The following SPRED2 variants were observed in gnomAD, a reference collection of about 807,000 sequenced individuals.
SPRED2 encodes sprouty-related, EVH1 domain-containing protein 2.
Under a neutral mutation model 43.0 loss-of-function variants are expected in SPRED2, and 47 were observed. The ratio of observed to expected loss-of-function variants is 1.09; its 90% confidence interval spans 0.87 to 1.40. The LOEUF is 1.40. Among genes scored for constraint, SPRED2 ranks in the 40% most tolerant of loss-of-function variants. The pLI is 0.00. For missense variants in SPRED2, 561 were observed against 586.4 expected, an observed-to-expected ratio of 0.96 and a Z score of 0.45; for synonymous variants, 225 against 225.7, an observed-to-expected ratio of 1.00 and a Z score of 0.03.
intron 1 of SPRED2, among the ~76,000 whole-genome samples, chr2:65,402,555 A>C (rs1675930391): frequency 6.6e-6 from 1 of 152,228 alleles, no homozygotes; most frequent in African/African-American, 2.4e-5. Context: ...ATGTGAAGTC[A>C]TAGGACTAGA....
At chr2:65,428,723 T>A (rs1295724742) in intron 1 of SPRED2, among the ~76,000 whole-genome samples, 1 of 152,180 alleles carries the variant, frequency 6.6e-6, no homozygotes, top group Non-Finnish European at 1.5e-5. Context: ...GAAGAGTTCA[T>A]GAAAGGAACA....
At chr2:65,400,590 C>G (rs140069241) in intron 1 of SPRED2, among the ~76,000 whole-genome samples, 2 of 152,098 alleles carry the variant, frequency 1.3e-5, no homozygotes, top group East Asian at 3.9e-4. Context: ...CCATCTAGGC[C>G]GACTGTGCTC....
intron 1 of SPRED2, among the ~76,000 whole-genome samples, chr2:65,431,756 A>C (rs879597769): frequency 2.0e-5 from 3 of 152,008 alleles, no homozygotes; most frequent in Non-Finnish European, 2.9e-5. Context: ...CGCCGACCCT[A>C]GGCGTGCGCC....
intron 2 of SPRED2, among the ~76,000 whole-genome samples, chr2:65,342,810 A>G (rs1382514114): frequency 1.3e-5 from 2 of 152,212 alleles, no homozygotes; most frequent in African/African-American, 2.4e-5. Context: ...TAAATAAGAT[A>G]CACAACTGTT....
At chr2:65,370,367 C>T (rs552275453) in intron 1 of SPRED2, among the ~76,000 whole-genome samples, 1 of 152,202 alleles carries the variant, frequency 6.6e-6, no homozygotes, top group African/African-American at 2.4e-5. Context: ...TTTAGACTCT[C>T]TCAGAGGTGG....
intron 1 of SPRED2, among the ~76,000 whole-genome samples, chr2:65,405,828 T>C (rs1450798567): frequency 1.3e-5 from 2 of 152,186 alleles, no homozygotes; most frequent in African/African-American, 4.8e-5. Context: ...TACCAGCCCT[T>C]CTCCTCCCAC....
chr2:65,362,531 A>C lies in SPRED2; in HGVS notation c.27-17635T>G, dbSNP rs184051222. On this transcript the variant is annotated intron_variant, in intron 1 of 5. Transcript: ENST00000356388. ...GTGATCCACCCACCTCAGCCTCCCA[A>C]AGTGTTGGGATTACAGGCGTAAGCC... is the stretch of plus-strand genomic sequence containing the variant. Among the ~76,000 whole-genome samples, 1,286 of 151,988 alleles carry C rather than the reference A, an allele frequency of 8.5e-3. 9 individuals are homozygous for C. Among genetic ancestry groups the C allele is most frequent in the Non-Finnish European group, 0.011 (778 of 67,946 alleles).
At position 65,311,101 on chromosome 2, in the gene SPRED2, G is replaced by A. The variant is rs114625088; in HGVS notation, c.*2400C>T. The A allele has an allele frequency of 0.038, 37,625 of 985,648 alleles. 827 individuals are homozygous for A. Among genetic ancestry groups the A allele is most frequent in the Non-Finnish European group, 0.042 (34,927 of 829,820 alleles). The allele number at this position is 985,648 out of a possible 1,614,324, so 61.1% of individuals were successfully genotyped here. A position where few individuals can be genotyped will look rare whatever the true frequency, so the allele number is the denominator to read the frequency against. On this transcript the variant is annotated 3_prime_UTR_variant, in exon 6 of 6. Coordinates refer to ENST00000356388, the MANE Select transcript of SPRED2 (RefSeq NM_181784.3). ...TTAATGTGAGCAAATAGCTTGGGGGGTCGGGGAGGCTTCTGGACAGAAAAT... is the reference window on the plus strand; with the variant it reads ...TTAATGTGAGCAAATAGCTTGGGGGATCGGGGAGGCTTCTGGACAGAAAAT...
intron 1 of SPRED2, chr2:65,366,682 G>A (rs922692620): frequency 1.7e-5 from 26 of 1,540,460 alleles, no homozygotes; most frequent in Middle Eastern, 1.7e-4. Context: ...AAAATGGATC[G>A]TCTCTTGCTG....
rs1344058765 is a variant in SPRED2, at chr2:65,334,680, G to A, written c.298C>T (p.Leu100Phe). Residue 100 changes from leucine to phenylalanine, a missense_variant, in exon 3 of 6, where the codon CTT becomes TTT. Leu to Phe is a conservative substitution (Grantham distance 22, BLOSUM62 0). Around this residue, in one of 6 missense-constraint regions of SPRED2, gnomAD observed 305 missense variants for 282.4 expected, o/e 1.08. Coordinates refer to ENST00000356388, the MANE Select transcript of SPRED2 (RefSeq NM_181784.3). ...HWKVDNRKFG[L>F]TFQSPADARA... is the part of the protein sequence containing the mutation. ...GCATCAGCAGGGCTTTGGAAAGTAAGTCCAAACTTCCTATTATCGACCTTC... is the reference window on the plus strand; with the variant it reads ...GCATCAGCAGGGCTTTGGAAAGTAAATCCAAACTTCCTATTATCGACCTTC... 1.2e-6 allele frequency: 2 copies of A among 1,614,214 alleles called. No homozygotes were observed. The highest frequency in any genetic ancestry group is 2.2e-5 in the East Asian group (1 of 44,884).
chr2:65,320,109 C>G (rs1673368395), intron 4 of SPRED2, among the ~76,000 whole-genome samples: 1 of 152,196 alleles, frequency 6.6e-6, no homozygotes, highest in Admixed American at 6.5e-5. Flanking sequence ...TCAATAAATA[C>G]CTCTCAAATG....
At chr2:65,368,851 G>A (rs1206948683) in intron 1 of SPRED2, among the ~76,000 whole-genome samples, 3 of 152,204 alleles carry the variant, frequency 2.0e-5, no homozygotes, top group African/African-American at 7.2e-5. Context: ...GGAGGCTGAG[G>A]TGGGAGGACT....
intron 1 of SPRED2, among the ~76,000 whole-genome samples, chr2:65,378,414 TA>T (rs1333035650): frequency 6.6e-6 from 1 of 152,176 alleles, no homozygotes; most frequent in Non-Finnish European, 1.5e-5. Context: ...GGATTTGCTT[TA>T]AAATACTGCA....
chr2:65,327,836 G>A (rs1673683683), intron 4 of SPRED2, among the ~76,000 whole-genome samples: 1 of 141,282 alleles, frequency 7.1e-6, no homozygotes, highest in South Asian at 2.4e-4. Flanking sequence ...CGATTCTCCT[G>A]CCTCAGCCTC....
chr2:65,383,200 G>A (rs1248241942), intron 1 of SPRED2, among the ~76,000 whole-genome samples: 1 of 152,216 alleles, frequency 6.6e-6, no homozygotes, highest in Non-Finnish European at 1.5e-5. Context: ...TGAGTAAAGC[G>A]CCCACGCCTG....
intron 1 of SPRED2, among the ~76,000 whole-genome samples, chr2:65,348,958 G>T (rs1238786482): frequency 6.6e-6 from 1 of 152,122 alleles, no homozygotes; most frequent in Non-Finnish European, 1.5e-5. Flanking sequence ...GGACATACAT[G>T]TACATATATG....
chr2:65,387,784 A>G (rs1368913961), intron 1 of SPRED2, among the ~76,000 whole-genome samples: 1 of 151,594 alleles, frequency 6.6e-6, no homozygotes, highest in African/African-American at 2.4e-5. Flanking sequence ...ACCTAGGGAA[A>G]GCAAATTCTT....
At position 65,349,630 on chromosome 2, in the gene SPRED2, TAAGTA is replaced by T. The variant is rs1674451217; in HGVS notation, c.27-4739_27-4735del. Among the ~76,000 whole-genome samples, 3 of 152,368 alleles carry T rather than the reference TAAGTA, an allele frequency of 2.0e-5. No homozygotes were observed. In the South Asian group the frequency reaches 6.2e-4, roughly 32 times the overall value. Reference sequence around the variant, plus strand: ...TGCTGTTCTGTTTCTTTGAGGGGATTAAGTAAACATGAAAAAGAGAAGTTTGCATT... The same window carrying T: ...TGCTGTTCTGTTTCTTTGAGGGGATTAACATGAAAAAGAGAAGTTTGCATT... On this transcript the variant is annotated intron_variant, in intron 1 of 5. Coordinates refer to ENST00000356388, the MANE Select transcript of SPRED2 (RefSeq NM_181784.3).
intron 1 of SPRED2, among the ~76,000 whole-genome samples, chr2:65,389,342 G>A (rs1675579438): frequency 1.3e-5 from 2 of 151,520 alleles, no homozygotes; most frequent in Admixed American, 6.6e-5. Flanking sequence ...TTTTACAGTG[G>A]AGAAACAGTT....
Sources: gnomAD v4.1 joint callset for allele counts (sites outside exome capture counted in the v4.1 genomes callset) on GRCh38, gnomAD v4.1.1 for gene constraint, gnomAD v4.1.1 regional missense constraint, MANE v1.5 for transcripts, NCBI Gene and HGNC (gene_info 2026-07-23, HGNC 2026-07-21) for gene names.